The following PGF variants were observed in gnomAD, a reference collection of about 807,000 sequenced individuals.
The protein encoded by PGF is placenta growth factor.
PGF carries 11 observed loss-of-function variants against 25.3 expected under a neutral mutation model. The observed-to-expected ratio is 0.43, with a 90% CI of 0.27 to 0.72. The LOEUF (loss-of-function observed/expected upper bound fraction) is 0.72. PGF is among the 30% of genes least tolerant of loss of function. The probability of loss-of-function intolerance (pLI) is 0.18; values close to 1 mark genes in which losing one functional copy is unlikely to be tolerated. For synonymous variants in PGF, 105 were observed against 97.9 expected (o/e 1.07, Z -0.43); for missense variants, 230 against 234.9 (o/e 0.98, Z 0.14).
intron 6 of PGF, among the ~76,000 whole-genome samples, chr14:74,943,256 G>C (rs753955665): frequency 2.0e-5 from 3 of 152,190 alleles, no homozygotes; most frequent in African/African-American, 4.8e-5. Context: ...TGAGGCAGTG[G>C]CTGAGATCTG....
chr14:74,951,026 G>A (rs929514026), intron 2 of PGF, among the ~76,000 whole-genome samples: 5 of 152,180 alleles, frequency 3.3e-5, no homozygotes, highest in Non-Finnish European at 4.4e-5. Context: ...TGGTAATCTC[G>A]GAAGAAAAAT....
At chr14:74,952,294 C>T (rs371984792) in intron 2 of PGF, among the ~76,000 whole-genome samples, 3 of 152,252 alleles carry the variant, frequency 2.0e-5, no homozygotes, top group East Asian at 3.8e-4. Flanking sequence ...CACAAGTGTC[C>T]TCTCCATGGT....
chr14:74,944,910 G>C (rs1055083165), intron 6 of PGF: 5 of 138,908 alleles, frequency 3.6e-5, no homozygotes, highest in African/African-American at 1.3e-4. Context: ...GAGCACATGG[G>C]CTTTTGGAAT....
At chr14:74,952,947 T>C (rs980921372) in intron 2 of PGF, among the ~76,000 whole-genome samples, 1 of 152,166 alleles carries the variant, frequency 6.6e-6, no homozygotes, top group Non-Finnish European at 1.5e-5. Flanking sequence ...AAAAAGGGCA[T>C]AGTGTGGAGG....
intron 6 of PGF, 129 bp from the exon 7 acceptor site, chr14:74,942,862 C>A: frequency 1.4e-6 from 1 of 740,674 alleles, no homozygotes. Context: ...CGCAGTGCTC[C>A]TGGGTCCCTG....
Position 74,953,760 on chromosome 14 carries a change from C to G in PGF, c.118+144G>C, listed in dbSNP as rs1888923581. ...CATGAGGGGATCTCTTAGGCCCTGC[C>G]AAAGTCATCACCCAGCATGTCTAGC... On this transcript the variant is annotated intron_variant, in intron 2 of 6. Coordinates refer to ENST00000555567, the MANE Select transcript of PGF (RefSeq NM_002632.6). The surrounding 1 kb of genome is among the most constrained non-coding windows in gnomAD (Gnocchi z 5.4). 1.2e-6 allele frequency: 1 copy of G among 848,516 alleles called. No homozygotes were observed. The highest frequency in any genetic ancestry group is 1.7e-5 in the African/African-American group (1 of 60,326). The allele number at this position is 848,516 out of a possible 1,614,324, so 52.6% of individuals were successfully genotyped here.
chr14:74,948,703 C>CTAG, intron 3 of PGF, 120 bp from the exon 4 acceptor site: 2 of 581,704 alleles, frequency 3.4e-6, no homozygotes, highest in Non-Finnish European at 6.1e-6. Flanking sequence ...GGACTACAGG[C>CTAG]CCTCACTCCA....
At position 74,955,504 on chromosome 14, in the gene PGF, T is replaced by C. The variant is rs919456676; in HGVS notation, c.-262A>G. 2.0e-4 allele frequency: 74 copies of C among 370,360 alleles called. No individual in the cohort carries two copies. The highest frequency in any genetic ancestry group is 3.5e-4 in the Non-Finnish European group (73 of 207,906). 22.9% of individuals were successfully genotyped at this position (370,360 alleles called of 1,614,324 possible). A position where few individuals can be genotyped will look rare whatever the true frequency, so the allele number is the denominator to read the frequency against. On this transcript the variant is annotated 5_prime_UTR_variant, in exon 1 of 7. Coordinates refer to ENST00000555567, the MANE Select transcript of PGF (RefSeq NM_002632.6). The surrounding 1 kb of genome is among the most constrained non-coding windows in gnomAD (Gnocchi z 4.1). ...CCGAGGGGCAGGCGGGTCCCGGGGA[T>C]GGTCCGTCGGGCGCCCAGTGCCACT...
intron 6 of PGF, 27 bp from the exon 7 acceptor site, chr14:74,942,760 C>T (rs375586612): frequency 7.5e-6 from 12 of 1,603,124 alleles, no homozygotes; most frequent in East Asian, 4.6e-5. Context: ...ACAGACGGGG[C>T]GGGTATCAGC....
Position 74,953,962 on chromosome 14 carries a change from T to G in PGF, c.76-16A>C. On this transcript the variant is annotated splice_polypyrimidine_tract_variant and intron_variant, in intron 1 of 6. Coordinates refer to ENST00000555567, the MANE Select transcript of PGF (RefSeq NM_002632.6). This position sits in a 1 kb window ranked among gnomAD's most constrained non-coding sequence, Gnocchi z 5.4. Reference sequence around the variant, plus strand: ...AGGCCCACTGCTATGGACAGAAAAGTGCAGAGGTGAGCTGGGGGTACCTTG... The same window carrying G: ...AGGCCCACTGCTATGGACAGAAAAGGGCAGAGGTGAGCTGGGGGTACCTTG... 2 of 1,613,652 alleles carry G rather than the reference T, an allele frequency of 1.2e-6. No individual in the cohort carries two copies. The highest frequency in any genetic ancestry group is 2.2e-5 in the East Asian group (1 of 44,862).
At chr14:74,948,661 G>C (rs1888800584) in intron 3 of PGF, 78 bp from the exon 4 acceptor site, 15 of 889,830 alleles carry the variant, frequency 1.7e-5, no homozygotes, top group Non-Finnish European at 2.7e-5. Context: ...CTCCTTGTAA[G>C]GAGAACCCGA....
At position 74,955,512 on chromosome 14, in the gene PGF, C is replaced by T. The variant is rs1346196619; in HGVS notation, c.-270G>A. 1 of 363,648 alleles carries T rather than the reference C, an allele frequency of 2.7e-6. No homozygotes were observed. Among genetic ancestry groups the T allele is most frequent in the Non-Finnish European group, 4.9e-6 (1 of 203,502 alleles). The allele number at this position is 363,648 out of a possible 1,614,324, so 22.5% of individuals were successfully genotyped here. On this transcript the variant is annotated 5_prime_UTR_variant, in exon 1 of 7. Transcript: ENST00000555567. This position sits in a 1 kb window ranked among gnomAD's most constrained non-coding sequence, Gnocchi z 4.1. ...CAGGCGGGTCCCGGGGATGGTCCGT[C>T]GGGCGCCCAGTGCCACTCCAGGTCC...
At position 74,953,984 on chromosome 14, in the gene PGF, C is replaced by T. The variant is rs772116377; in HGVS notation, c.76-38G>A. On this transcript the variant is annotated intron_variant, in intron 1 of 6. Coordinates refer to ENST00000555567, the MANE Select transcript of PGF (RefSeq NM_002632.6). The surrounding 1 kb of genome is among the most constrained non-coding windows in gnomAD (Gnocchi z 5.4). The stretch of plus-strand genomic sequence containing the variant: ...AAGTGCAGAGGTGAGCTGGGGGTAC[C>T]TTGGAGCTCTGCACTCTTGGGCCAA... 1.1e-5 allele frequency: 18 copies of T among 1,608,704 alleles called. No individual in the cohort carries two copies. Among genetic ancestry groups the T allele is most frequent in the Non-Finnish European group, 3.4e-6 (4 of 1,175,864 alleles).
intron 6 of PGF, chr14:74,945,299 T>C (rs1299935797): frequency 6.6e-6 from 1 of 152,254 alleles, no homozygotes; most frequent in East Asian, 1.9e-4. Context: ...CACGGGACAC[T>C]TTCTGCCTCC....
chr14:74,954,992 A>C (rs1251712593), intron 1 of PGF, among the ~76,000 whole-genome samples, 176 bp downstream of exon 1: 2 of 112,238 alleles, frequency 1.8e-5, no homozygotes, highest in Non-Finnish European at 3.6e-5. Context: ...GACCTGGGGG[A>C]CAGCCAGCCT....
chr14:74,948,618 A>T (rs761438020), intron 3 of PGF, 35 bp from the exon 4 acceptor site: 4 of 1,423,376 alleles, frequency 2.8e-6, no homozygotes, highest in Non-Finnish European at 3.9e-6. Flanking sequence ...TGGATTGGGG[A>T]GTGGCCCACG....
At chr14:74,943,693 C>T (rs1304747406) in intron 6 of PGF, among the ~76,000 whole-genome samples, 1 of 152,220 alleles carries the variant, frequency 6.6e-6, no homozygotes, top group African/African-American at 2.4e-5. Flanking sequence ...TGGATTCATT[C>T]ACTAATTGAA....
chr14:74,944,095 T>TG (rs397787591), intron 6 of PGF, among the ~76,000 whole-genome samples: 173 of 149,770 alleles, frequency 1.2e-3, no homozygotes, highest in African/African-American at 4.0e-3. Flanking sequence ...TTTTTTTTTT[T>TG]GCTTGTTAAT....
In PGF at chr14:74,946,370, A is replaced by T. The variant is rs199788622; in HGVS notation, c.422+9T>A. Reference sequence around the variant, plus strand: ...GAGAATAGCCCCGAGCCCCAGCCAAACCACTTACCTTTCCGGCTTCATCTT... The same window carrying T: ...GAGAATAGCCCCGAGCCCCAGCCAATCCACTTACCTTTCCGGCTTCATCTT... On this transcript the variant is annotated intron_variant, in intron 5 of 6. Transcript: ENST00000555567. 438 of 1,612,944 alleles carry T rather than the reference A, an allele frequency of 2.7e-4. 1 individual carries two copies. Among genetic ancestry groups the T allele is most frequent in the Non-Finnish European group, 1.1e-4 (131 of 1,179,160 alleles).
Sources: gnomAD v4.1 joint callset for allele counts (sites outside exome capture counted in the v4.1 genomes callset) on GRCh38, gnomAD v4.1.1 for gene constraint, Gnocchi (gnomAD v3.1) non-coding constraint, MANE v1.5 for transcripts, NCBI Gene and HGNC (gene_info 2026-07-23, HGNC 2026-07-21) for gene names.